HHAT: variants seen among roughly 807,000 people sequenced by gnomAD.
HHAT encodes the protein hedgehog acyltransferase, also known as protein-cysteine N-palmitoyltransferase HHAT.
Under a neutral mutation model 70.8 loss-of-function variants are expected in HHAT, and 47 were observed. That is an observed-to-expected ratio of 0.66 (90% CI 0.53 to 0.85). HHAT has a LOEUF of 0.85. Ranked by LOEUF, HHAT falls within the 40% of genes least tolerant of loss-of-function variation. HHAT has a pLI of 0.00. For synonymous variants in HHAT, 228 were observed against 247.6 expected (o/e 0.92, Z 0.74); for missense variants, 609 against 604.8 (o/e 1.01, Z -0.07).
At position 210,640,647 on chromosome 1, in the gene HHAT, G is replaced by A. The variant is rs529529605; in HGVS notation, c.1390+16977G>A. 1.1e-4 allele frequency among the ~76,000 whole-genome samples: 16 copies of A among 151,788 alleles called. No individual in the cohort carries two copies. In the East Asian group the frequency reaches 1.4e-3, roughly 13 times the overall value. Reference sequence around the variant, plus strand: ...GGAACTGTATTCAAAACATGCGTGCGTGTAACCCCCGCACTCCGCCCCCCA... The same window carrying A: ...GGAACTGTATTCAAAACATGCGTGCATGTAACCCCCGCACTCCGCCCCCCA... On this transcript the variant is annotated intron_variant, in intron 11 of 11. Transcript: ENST00000261458.
chr1:210,513,058 C>A, intron 8 of HHAT, 95 bp from the exon 9 acceptor site: 1 of 753,522 alleles, frequency 1.3e-6, no homozygotes, highest in Non-Finnish European at 2.3e-6. Flanking sequence ...TCCATTTAGT[C>A]ATACTATGAA....
At chr1:210,491,675 C>T in intron 8 of HHAT, among the ~76,000 whole-genome samples, 1 of 152,124 alleles carries the variant, frequency 6.6e-6, no homozygotes. Flanking sequence ...TGCTTCTGCC[C>T]CTATTCTTCA....
intron 9 of HHAT, among the ~76,000 whole-genome samples, chr1:210,532,934 G>A (rs769925125): frequency 6.6e-6 from 1 of 152,174 alleles, no homozygotes; most frequent in Non-Finnish European, 1.5e-5. Context: ...GGAAAAATGA[G>A]GCTTGGGTTC....
chr1:210,459,194 A>G (rs1050812930), intron 7 of HHAT, among the ~76,000 whole-genome samples: 3 of 152,140 alleles, frequency 2.0e-5, no homozygotes, highest in African/African-American at 7.2e-5. Context: ...TGTTCTTGAT[A>G]CTGGGAATAC....
At chr1:210,650,510 G>T (rs1674917770) in intron 11 of HHAT, among the ~76,000 whole-genome samples, 1 of 152,146 alleles carries the variant, frequency 6.6e-6, no homozygotes, top group South Asian at 2.1e-4. Context: ...TGAACTATAG[G>T]TGCATTCTCG....
chr1:210,438,838 A>G (rs530692280), intron 7 of HHAT, among the ~76,000 whole-genome samples: 4 of 152,100 alleles, frequency 2.6e-5, no homozygotes, highest in Admixed American at 6.5e-5. Context: ...ATATTAGCCT[A>G]TGTAATTCTC....
chr1:210,465,908 A>G (rs995437610), intron 8 of HHAT, among the ~76,000 whole-genome samples: 2 of 149,538 alleles, frequency 1.3e-5, no homozygotes, highest in African/African-American at 4.9e-5. Flanking sequence ...ATTGCAAGGA[A>G]TTGCAAGGAA....
rs2095156582 is a variant in HHAT at position 210,521,453 on chromosome 1, C to T, written c.1043+8265C>T. 3.3e-5 allele frequency among the ~76,000 whole-genome samples: 5 copies of T among 152,284 alleles called. No individual in the cohort carries two copies. The South Asian group carries it at 1.0e-3, about 32-fold the overall frequency. ...ACCTGACCCTTTCGTAAAATTAGCC[C>T]TACAGCAGAACAGAATTATTATTTG... On this transcript the variant is annotated intron_variant, in intron 9 of 11. Coordinates refer to ENST00000261458, the MANE Select transcript of HHAT (RefSeq NM_018194.6).
At chr1:210,649,798 A>AGGG (rs1256743651) in intron 11 of HHAT, among the ~76,000 whole-genome samples, 2 of 152,234 alleles carry the variant, frequency 1.3e-5, no homozygotes, top group African/African-American at 4.8e-5. Flanking sequence ...ACAATGCTGA[A>AGGG]GGGGTCATAG....
At chr1:210,350,287 T>A (rs1022361025) in intron 2 of HHAT, among the ~76,000 whole-genome samples, 1 of 152,248 alleles carries the variant, frequency 6.6e-6, no homozygotes, top group African/African-American at 2.4e-5. Flanking sequence ...AATGGACTAA[T>A]AAACTGTGGT....
intron 2 of HHAT, among the ~76,000 whole-genome samples, chr1:210,351,637 G>A (rs58469250): frequency 2.0e-5 from 3 of 152,108 alleles, no homozygotes; most frequent in African/African-American, 4.8e-5. Context: ...CTGGTGGCTC[G>A]ATTGGGCTCA....
chr1:210,524,826 AG>A (rs771496457), intron 9 of HHAT, among the ~76,000 whole-genome samples: 1 of 152,036 alleles, frequency 6.6e-6, no homozygotes, highest in Non-Finnish European at 1.5e-5. Context: ...CTGTTGTAAA[AG>A]CTTCTCTGTG....
intron 9 of HHAT, among the ~76,000 whole-genome samples, chr1:210,559,165 T>G (rs1047488289): frequency 6.6e-6 from 1 of 152,242 alleles, no homozygotes; most frequent in African/African-American, 2.4e-5. Context: ...CAGATTATAG[T>G]CAGGCTGTAG....
At chr1:210,384,848 G>T (rs2090919807) in intron 3 of HHAT, among the ~76,000 whole-genome samples, 2 of 152,180 alleles carry the variant, frequency 1.3e-5, no homozygotes, top group Non-Finnish European at 2.9e-5. Context: ...AAGAAGCAGT[G>T]AGTCAATATT....
At chr1:210,400,411 TTTCCTCCCTCCCCTC>T in intron 4 of HHAT, 42 bp from the exon 5 acceptor site, 3 of 1,482,700 alleles carry the variant, frequency 2.0e-6, no homozygotes, top group Non-Finnish European at 2.7e-6. Flanking sequence ...TTCTGTTTAT[TTTCCTCCCTCCCCTC>T]TTCCTCCCTG....
chr1:210,457,164 C>T (rs2093886705), intron 7 of HHAT, among the ~76,000 whole-genome samples: 1 of 152,174 alleles, frequency 6.6e-6, no homozygotes, highest in African/African-American at 2.4e-5. Context: ...TTCTCTTCCT[C>T]CTTCACCCCC....
intron 9 of HHAT, among the ~76,000 whole-genome samples, chr1:210,532,591 A>T (rs1464000405): frequency 1.3e-5 from 2 of 152,188 alleles, no homozygotes. Context: ...CCTATAAGCA[A>T]CTGAGCAATC....
At chr1:210,461,254 A>G (rs2093973402) in intron 7 of HHAT, among the ~76,000 whole-genome samples, 1 of 152,234 alleles carries the variant, frequency 6.6e-6, no homozygotes, top group Non-Finnish European at 1.5e-5. Context: ...TAAAAGGGAA[A>G]GAGACTAATT....
At position 210,513,207 on chromosome 1, in the gene HHAT, T is replaced by C; in HGVS notation, c.1043+19T>C. The C allele has an allele frequency of 3.8e-6, 5 of 1,309,550 alleles. No individual in the cohort carries two copies. The highest frequency in any genetic ancestry group is 5.5e-6 in the Non-Finnish European group (5 of 911,374). 81.1% of individuals were successfully genotyped at this position (1,309,550 alleles called of 1,614,324 possible). ...TAATCAGGTAAGCCAATAATTTTTATTTTAGATAACATTGAATAACATGTC... is the reference window on the plus strand; with the variant it reads ...TAATCAGGTAAGCCAATAATTTTTACTTTAGATAACATTGAATAACATGTC... On this transcript the variant is annotated intron_variant, in intron 9 of 11. Coordinates refer to ENST00000261458, the MANE Select transcript of HHAT (RefSeq NM_018194.6).
Sources: gnomAD v4.1 joint callset for allele counts (sites outside exome capture counted in the v4.1 genomes callset) on GRCh38, gnomAD v4.1.1 for gene constraint, MANE v1.5 for transcripts, NCBI Gene and HGNC (gene_info 2026-07-23, HGNC 2026-07-21) for gene names.